ABTB3: variants seen among roughly 807,000 people sequenced by gnomAD.
ABTB3 encodes ankyrin repeat and BTB domain containing 3, also known as ankyrin repeat- and BTB/POZ domain-containing protein 3.
chr12:107,361,766 AC>A, the ABTB3 span, among the ~76,000 whole-genome samples: 3 of 152,172 alleles, frequency 2.0e-5, no homozygotes, highest in Admixed American at 2.0e-4. Context: ...GCTTTGTAGA[AC>A]ATGGCTGCTA....
the ABTB3 span, among the ~76,000 whole-genome samples, chr12:107,352,634 T>C: frequency 6.6e-6 from 1 of 152,260 alleles, no homozygotes; most frequent in Non-Finnish European, 1.5e-5. Context: ...CGTGCCTTTT[T>C]CTAATTCTTA....
the ABTB3 span, among the ~76,000 whole-genome samples, chr12:107,498,229 A>G: frequency 6.6e-6 from 1 of 152,230 alleles, no homozygotes; most frequent in African/African-American, 2.4e-5. Flanking sequence ...GAATTTACCC[A>G]GAGGGGAGAA....
the ABTB3 span, among the ~76,000 whole-genome samples, chr12:107,656,121 C>G: frequency 7.5e-6 from 1 of 134,180 alleles, no homozygotes; most frequent in East Asian, 2.3e-4. Context: ...AACCCCATCT[C>G]TATTAAAAAA....
chr12:107,599,685 G>A, the ABTB3 span, among the ~76,000 whole-genome samples: 1 of 152,194 alleles, frequency 6.6e-6, no homozygotes, highest in African/African-American at 2.4e-5. Flanking sequence ...AGCCTTGTGA[G>A]GCTGGGGCCC....
At chr12:107,429,202 T>C in the ABTB3 span, among the ~76,000 whole-genome samples, 8 of 152,318 alleles carry the variant, frequency 5.3e-5, no homozygotes, top group African/African-American at 1.7e-4. Context: ...GCTTCTGAGT[T>C]GAGTCAGTTC....
the ABTB3 span, among the ~76,000 whole-genome samples, chr12:107,451,621 C>A: frequency 1.3e-5 from 2 of 152,248 alleles, no homozygotes; most frequent in East Asian, 1.9e-4. Context: ...TGGAATCTTA[C>A]CCCTGCCTGG....
At chr12:107,556,762 G>A in the ABTB3 span, among the ~76,000 whole-genome samples, 1 of 152,108 alleles carries the variant, frequency 6.6e-6, no homozygotes, top group Non-Finnish European at 1.5e-5. Context: ...TGTAATCTCA[G>A]CAATTTGGGA....
At chr12:107,612,662 C>A in the ABTB3 span, 1 of 1,019,740 alleles carries the variant, frequency 9.8e-7, no homozygotes, top group East Asian at 2.7e-5. Context: ...TTATTTTTGT[C>A]ATGCCGGAGC....
At chr12:107,394,964 T>G in the ABTB3 span, among the ~76,000 whole-genome samples, 1 of 152,232 alleles carries the variant, frequency 6.6e-6, no homozygotes, top group African/African-American at 2.4e-5. Flanking sequence ...TTCTCACTTG[T>G]GTTTTTCTCC....
chr12:107,547,416 A>G, the ABTB3 span, among the ~76,000 whole-genome samples: 1 of 152,030 alleles, frequency 6.6e-6, no homozygotes, highest in African/African-American at 2.4e-5. Flanking sequence ...CACAGTGTCC[A>G]TTTTCCCTCT....
chr12:107,364,439 C>A, the ABTB3 span, among the ~76,000 whole-genome samples: 1 of 151,942 alleles, frequency 6.6e-6, no homozygotes, highest in Non-Finnish European at 1.5e-5. Flanking sequence ...ACAGGGCACA[C>A]ACCACCACAC....
chr12:107,339,971 A>T, the ABTB3 span, among the ~76,000 whole-genome samples: 15 of 152,000 alleles, frequency 9.9e-5, no homozygotes, highest in African/African-American at 3.1e-4. Flanking sequence ...TGCTGTGTTG[A>T]TATCATATTT....
the ABTB3 span, among the ~76,000 whole-genome samples, chr12:107,459,774 G>A: frequency 2.6e-5 from 4 of 152,360 alleles, no homozygotes; most frequent in East Asian, 5.8e-4. Context: ...TTGCCTGGTG[G>A]CACACACAGC....
At chr12:107,615,672 T>G in the ABTB3 span, among the ~76,000 whole-genome samples, 1 of 152,236 alleles carries the variant, frequency 6.6e-6, no homozygotes, top group Non-Finnish European at 1.5e-5. Flanking sequence ...GAGTAGGGCC[T>G]TGGCCATGTG....
At chr12:107,409,400 G>A in the ABTB3 span, among the ~76,000 whole-genome samples, 9 of 152,228 alleles carry the variant, frequency 5.9e-5, no homozygotes, top group Middle Eastern at 3.2e-3. Context: ...GATCTAGAAC[G>A]AGAAATACCA....
chr12:107,651,502 C>T, the ABTB3 span, among the ~76,000 whole-genome samples: 1 of 152,058 alleles, frequency 6.6e-6, no homozygotes. Flanking sequence ...CAGTGGAATC[C>T]TATCTTTGTC....
At chr12:107,532,956 A>C in the ABTB3 span, among the ~76,000 whole-genome samples, 1 of 152,234 alleles carries the variant, frequency 6.6e-6, no homozygotes, top group African/African-American at 2.4e-5. Context: ...AAGGAGAAAT[A>C]GTCTTCCCAG....
At chr12:107,591,281 A>G in the ABTB3 span, among the ~76,000 whole-genome samples, 1 of 152,242 alleles carries the variant, frequency 6.6e-6, no homozygotes, top group African/African-American at 2.4e-5. Context: ...ATTGCTATAA[A>G]GAACTGTTAA....
chr12:107,595,235 G>A, the ABTB3 span, among the ~76,000 whole-genome samples: 3 of 152,192 alleles, frequency 2.0e-5, no homozygotes, highest in Non-Finnish European at 1.5e-5. Flanking sequence ...AAGGCGTTGG[G>A]CTGTGCAATC....
Sources: gnomAD v4.1 joint callset for allele counts (sites outside exome capture counted in the v4.1 genomes callset) on GRCh38, gnomAD v4.1.1 for gene constraint, MANE v1.5 for transcripts, NCBI Gene and HGNC (gene_info 2026-07-23, HGNC 2026-07-21) for gene names.